Variants in DESI2 observed in about 807,000 individuals in gnomAD.
DESI2 encodes the protein deubiquitinase DESI2.
A neutral mutation model predicts 24.1 loss-of-function variants in DESI2; 10 were observed. The ratio of observed to expected loss-of-function variants is 0.41; its 90% CI spans 0.26 to 0.70. DESI2 has a LOEUF of 0.70. DESI2 is among the 30% of genes least tolerant of loss of function. The pLI is 0.29. For missense variants in DESI2, 122 were observed against 234.9 expected (o/e 0.52, Z 3.14); for synonymous variants, 71 against 87.7 (o/e 0.81, Z 1.06).
chr1:244,671,779 A>G (rs1676256488), intron 1 of DESI2, among the ~76,000 whole-genome samples: 1 of 152,174 alleles, frequency 6.6e-6, no homozygotes, highest in South Asian at 2.1e-4. Flanking sequence ...GCATGTTTAT[A>G]ATATTTTCTG....
intron 4 of DESI2, among the ~76,000 whole-genome samples, chr1:244,693,067 T>C (rs1454943521): frequency 6.6e-6 from 1 of 152,236 alleles, no homozygotes; most frequent in Non-Finnish European, 1.5e-5. Context: ...TTCAAAGATC[T>C]GTTGAGTGCT....
chr1:244,692,956 G>A (rs567432007), intron 4 of DESI2, among the ~76,000 whole-genome samples: 18 of 152,252 alleles, frequency 1.2e-4, no homozygotes, highest in African/African-American at 4.8e-5. Context: ...CTAGTCTAGC[G>A]GATGCATCAG....
Position 244,657,983 on chromosome 1 carries a change from A to G in DESI2, c.42+4628A>G, listed in dbSNP as rs565498019. ...ATGGTGAGTTGTGGGTGAGGAAGGC[A>G]AAAAGTTGGAAATGGCAGTTTGATG... On this transcript the variant is annotated intron_variant, in intron 1 of 4. Transcript: ENST00000302550. 2.0e-5 allele frequency among the ~76,000 whole-genome samples: 3 copies of G among 152,278 alleles called. No homozygotes were observed. The East Asian group carries it at 5.8e-4, about 29-fold the overall frequency.
At chr1:244,702,779 C>T (rs574900207) in intron 4 of DESI2, among the ~76,000 whole-genome samples, 1 of 152,252 alleles carries the variant, frequency 6.6e-6, no homozygotes, top group South Asian at 2.1e-4. Flanking sequence ...GGAATGAAGT[C>T]AGCTTCACCT....
chr1:244,686,972 G>A (rs910972080), intron 2 of DESI2, among the ~76,000 whole-genome samples: 10 of 152,064 alleles, frequency 6.6e-5, no homozygotes, highest in African/African-American at 2.4e-4. Context: ...ATGACAGTTT[G>A]TTTTGTTCTC....
intron 4 of DESI2, among the ~76,000 whole-genome samples, chr1:244,698,300 T>C (rs1245652017): frequency 6.6e-6 from 1 of 152,174 alleles, no homozygotes; most frequent in Non-Finnish European, 1.5e-5. Context: ...GCCGATGATA[T>C]TTACTATGAT....
rs1166897396 is a variant in DESI2 at position 244,708,477 on chromosome 1, TAC to T, written c.*2690_*2691del. The T allele has an allele frequency of 6.6e-6, 1 of 152,650 alleles. No homozygotes were observed. The highest frequency in any genetic ancestry group is 1.9e-4 in the East Asian group (1 of 5,188). 9.5% of individuals were successfully genotyped at this position (152,650 alleles called of 1,614,324 possible). A position where few individuals can be genotyped will look rare whatever the true frequency, so the allele number is the denominator to read the frequency against. ...GCAAGTTACCCATCACCAGCATTTG[TAC>T]AGAGCAGGGAATTCTGGTTTTAGTC... On this transcript the variant is annotated 3_prime_UTR_variant, in exon 5 of 5. Transcript: ENST00000302550.
intron 4 of DESI2, among the ~76,000 whole-genome samples, chr1:244,692,363 C>G (rs1677058978): frequency 6.6e-6 from 1 of 152,018 alleles, no homozygotes; most frequent in Admixed American, 6.6e-5. Context: ...TTCTCTTTGG[C>G]TGAATTTTTT....
At chr1:244,682,403 C>T (rs946052726) in intron 1 of DESI2, among the ~76,000 whole-genome samples, 2 of 152,190 alleles carry the variant, frequency 1.3e-5, no homozygotes, top group African/African-American at 2.4e-5. Context: ...CTTCACTTCT[C>T]ACTTCTTTTT....
intron 4 of DESI2, among the ~76,000 whole-genome samples, chr1:244,696,196 C>G (rs1254212042): frequency 6.6e-6 from 1 of 152,234 alleles, no homozygotes; most frequent in East Asian, 1.9e-4. Flanking sequence ...CAAATTAACA[C>G]TATTTCTTAA....
At chr1:244,666,472 TGAG>T (rs1283041276) in intron 1 of DESI2, among the ~76,000 whole-genome samples, 1 of 152,246 alleles carries the variant, frequency 6.6e-6, no homozygotes, top group Non-Finnish European at 1.5e-5. Flanking sequence ...TCATTCAAAC[TGAG>T]GAGAATTAGT....
intron 4 of DESI2, among the ~76,000 whole-genome samples, chr1:244,701,314 T>C (rs1407309149): frequency 2.1e-5 from 3 of 146,040 alleles, no homozygotes; most frequent in Non-Finnish European, 4.5e-5. Context: ...AGAATGGAGA[T>C]GGGATTATTC....
At chr1:244,684,984 C>T (rs1395672514) in intron 1 of DESI2, among the ~76,000 whole-genome samples, 3 of 152,286 alleles carry the variant, frequency 2.0e-5, no homozygotes, top group Middle Eastern at 3.4e-3. Context: ...CCTTCGTTTC[C>T]TAACTTGCCA....
chr1:244,675,206 C>T lies in DESI2; in HGVS notation c.43-11391C>T, dbSNP rs937736159. ...TGTATTCTACATATAAGTCCCTTGT[C>T]GGTATATGACTTGCCAAAATTTTCT... On this transcript the variant is annotated intron_variant, in intron 1 of 4. Transcript: ENST00000302550. 2.0e-5 allele frequency among the ~76,000 whole-genome samples: 3 copies of T among 152,026 alleles called. 1 individual carries two copies. Among genetic ancestry groups the T allele is most frequent in the Non-Finnish European group, 2.9e-5 (2 of 68,000 alleles).
At chr1:244,664,485 C>T (rs1675974891) in intron 1 of DESI2, among the ~76,000 whole-genome samples, 1 of 152,218 alleles carries the variant, frequency 6.6e-6, no homozygotes, top group Non-Finnish European at 1.5e-5. Context: ...GTGGCTCAGG[C>T]CTGTAATCCC....
intron 4 of DESI2, among the ~76,000 whole-genome samples, chr1:244,700,299 A>G (rs932100314): frequency 5.3e-5 from 8 of 152,134 alleles, no homozygotes; most frequent in African/African-American, 1.7e-4. Context: ...CTCCCCACAA[A>G]ATAGTTTTTG....
intron 4 of DESI2, among the ~76,000 whole-genome samples, chr1:244,700,175 T>C (rs958500954): frequency 6.6e-6 from 1 of 152,222 alleles, no homozygotes; most frequent in African/African-American, 2.4e-5. Context: ...TACCTGTGAA[T>C]ACAGCTATAT....
chr1:244,662,896 T>C (rs1283051941), intron 1 of DESI2, among the ~76,000 whole-genome samples: 1 of 152,188 alleles, frequency 6.6e-6, no homozygotes, highest in Non-Finnish European at 1.5e-5. Context: ...GAGAAGTTTT[T>C]AAGGAATTGT....
At chr1:244,672,874 G>GTAATAA (rs55850553) in intron 1 of DESI2, among the ~76,000 whole-genome samples, 180 of 149,558 alleles carry the variant, frequency 1.2e-3, no homozygotes, top group African/African-American at 4.2e-3. Context: ...GACTCTGTCT[G>GTAATAA]TAATAATAAT....
Sources: allele counts gnomAD v4.1 joint callset (sites outside exome capture counted in the v4.1 genomes callset), GRCh38; gene constraint gnomAD v4.1.1; transcripts MANE v1.5; gene names NCBI Gene and HGNC (gene_info 2026-07-23, HGNC 2026-07-21).